SORBS2: variants seen among roughly 807,000 people sequenced by gnomAD.
SORBS2 encodes sorbin and SH3 domain-containing protein 2.
Under a neutral mutation model 97.7 loss-of-function variants are expected in SORBS2, and 46 were observed. The ratio of observed to expected loss-of-function variants is 0.47; its 90% CI spans 0.37 to 0.60. The LOEUF is 0.60. SORBS2 is among the 20% of genes least tolerant of loss of function. SORBS2 has a pLI of 0.00. For synonymous variants in SORBS2, 476 were observed against 473.4 expected (o/e 1.01, Z -0.07); for missense variants, 1,316 against 1,282.3 (o/e 1.03, Z -0.40).
At chr4:185,855,367 G>T (rs187912451) in intron 1 of SORBS2, among the ~76,000 whole-genome samples, 5 of 151,962 alleles carry the variant, frequency 3.3e-5, no homozygotes, top group Non-Finnish European at 7.4e-5. Context: ...CTATTTTGGG[G>T]CTCCACTTAA....
intron 4 of SORBS2, among the ~76,000 whole-genome samples, chr4:185,663,848 C>CTT (rs56177449): frequency 0.028 from 2,298 of 80,982 alleles, 119 homozygotes; most frequent in East Asian, 0.069. Context: ...TAGATTTATT[C>CTT]TTTTTTTTTT....
intron 1 of SORBS2, among the ~76,000 whole-genome samples, chr4:185,945,921 C>T (rs887340867): frequency 2.0e-5 from 3 of 152,122 alleles, no homozygotes; most frequent in Non-Finnish European, 2.9e-5. Context: ...TGGAAAAGAA[C>T]CATGTGTTTG....
intron 1 of SORBS2, among the ~76,000 whole-genome samples, chr4:185,877,867 C>CAAAAAAAAAAAAAAA (rs1491116547): frequency 9.9e-5 from 5 of 50,426 alleles, no homozygotes; most frequent in Admixed American, 7.4e-4. Context: ...GAGACTCTGT[C>CAAAAAAAAAAAAAAA]AAAAAACAAA....
Position 185,684,938 on chromosome 4 carries a change from A to G in SORBS2, c.-197-6116T>C, listed in dbSNP as rs1239924201. 4.4e-6 allele frequency: 4 copies of G among 910,328 alleles called. No homozygotes were observed. Among genetic ancestry groups the G allele is most frequent in the African/African-American group, 3.3e-5 (2 of 60,478 alleles). The allele number at this position is 910,328 out of a possible 1,614,324, so 56.4% of individuals were successfully genotyped here. On this transcript the variant is annotated intron_variant, in intron 2 of 20. Coordinates refer to the SORBS2 transcript ENST00000284776. The surrounding 1 kb of genome is among the most constrained non-coding windows in gnomAD (Gnocchi z 4.2). Reference sequence around the variant, plus strand: ...TTTAAGAGAAATGTGCCAGACATCCATGAGAAAGATGAACAGTTAGAATTA... The same window carrying G: ...TTTAAGAGAAATGTGCCAGACATCCGTGAGAAAGATGAACAGTTAGAATTA...
chr4:185,785,911 A>G (rs2099054306), intron 1 of SORBS2, among the ~76,000 whole-genome samples: 1 of 152,200 alleles, frequency 6.6e-6, no homozygotes, highest in Non-Finnish European at 1.5e-5. Context: ...ACCTTAAAGC[A>G]TTAAGAAGAG....
chr4:185,630,084 C>G (rs1432412053), intron 5 of SORBS2, among the ~76,000 whole-genome samples: 1 of 151,954 alleles, frequency 6.6e-6, no homozygotes, highest in East Asian at 1.9e-4. Context: ...ATAGTGTTTT[C>G]TTAGGATTGA....
chr4:185,884,067 G>A (rs1249306335), intron 1 of SORBS2, among the ~76,000 whole-genome samples: 1 of 152,136 alleles, frequency 6.6e-6, no homozygotes, highest in African/African-American at 2.4e-5. Context: ...ACCTTCCAAA[G>A]GGAACTTCAC....
At position 185,712,743 on chromosome 4, in the gene SORBS2, G is replaced by A. The variant is rs531263639; in HGVS notation, c.-197-33921C>T. On this transcript the variant is annotated intron_variant, in intron 2 of 20. Transcript: ENST00000284776. ...CCAGCGGGTTCCAGCGCTCATGCAC[G>A]CCAGCTTCCACTCTGCTTGCTGGTG... Among the ~76,000 whole-genome samples the A allele has an allele frequency of 2.6e-5, 4 of 152,324 alleles. No homozygotes were observed. In the South Asian group the frequency reaches 6.2e-4, roughly 24 times the overall value.
intron 1 of SORBS2, among the ~76,000 whole-genome samples, chr4:185,850,235 G>A (rs1227547646): frequency 3.9e-5 from 6 of 152,186 alleles, no homozygotes; most frequent in African/African-American, 1.4e-4. Context: ...CATGTGGGAT[G>A]TACAATTGGT....
intron 1 of SORBS2, among the ~76,000 whole-genome samples, chr4:185,955,613 A>G (rs1421434164): frequency 6.6e-6 from 1 of 152,216 alleles, no homozygotes; most frequent in Non-Finnish European, 1.5e-5. Flanking sequence ...AAGAGCGCCT[A>G]ACACGCTGAT....
chr4:185,653,358 C>T (rs2097344260), intron 1 of SORBS2, among the ~76,000 whole-genome samples: 1 of 152,094 alleles, frequency 6.6e-6, no homozygotes, highest in East Asian at 1.9e-4. Context: ...ATTGTAGGTT[C>T]CTTGAGAGTA....
chr4:185,940,244 C>T (rs959584002), intron 1 of SORBS2, among the ~76,000 whole-genome samples: 2 of 152,200 alleles, frequency 1.3e-5, no homozygotes, highest in Non-Finnish European at 2.9e-5. Context: ...CAATCTTTCA[C>T]TTGATCTCCA....
rs150617383 is a variant in SORBS2, at chr4:185,905,940, C to G, written c.-338+50256G>C. The stretch of plus-strand genomic sequence containing the variant: ...CTCTGGGCCCAGCAAAGAGAGGACC[C>G]TCTGCCTCCTTCTCATACTCTGTGT... On this transcript the variant is annotated intron_variant, in intron 1 of 20. Coordinates refer to the SORBS2 transcript ENST00000284776. Among the ~76,000 whole-genome samples, 281 of 152,330 alleles carry G rather than the reference C, an allele frequency of 1.8e-3. 1 individual carries two copies. The Middle Eastern group carries it at 0.02, about 11-fold the overall frequency.
intron 2 of SORBS2, among the ~76,000 whole-genome samples, chr4:185,743,147 T>C (rs1043256238): frequency 3.9e-5 from 6 of 152,194 alleles, no homozygotes; most frequent in African/African-American, 1.4e-4. Context: ...AGACACATTG[T>C]CCTTTTTAAA....
chr4:185,607,165 C>T lies in SORBS2; in HGVS notation c.2796+4615G>A, dbSNP rs2096444349. On this transcript the variant is annotated intron_variant, in intron 12 of 14. Transcript: ENST00000418609. This position sits in a 1 kb window ranked among gnomAD's most constrained non-coding sequence, Gnocchi z 5.2. Reference sequence around the variant, plus strand: ...TTGGTCAGCTGACAAGGTTAAAGCACCAAGCTTCTCCAATTCACCCAAGAA... The same window carrying T: ...TTGGTCAGCTGACAAGGTTAAAGCATCAAGCTTCTCCAATTCACCCAAGAA... 2.7e-6 allele frequency: 3 copies of T among 1,118,252 alleles called. No individual in the cohort carries two copies. The East Asian group carries it at 2.7e-4, about 100-fold the overall frequency. 69.3% of individuals were successfully genotyped at this position (1,118,252 alleles called of 1,614,324 possible).
chr4:185,660,032 C>G (rs1582064364), upstream of SORBS2, among the ~76,000 whole-genome samples: 1 of 152,174 alleles, frequency 6.6e-6, no homozygotes, highest in East Asian at 1.9e-4. Flanking sequence ...TAAAATTCAT[C>G]TAGGGCAAGG....
chr4:185,664,013 C>G (rs1322957616), intron 4 of SORBS2, among the ~76,000 whole-genome samples: 1 of 151,836 alleles, frequency 6.6e-6, no homozygotes, highest in Non-Finnish European at 1.5e-5. Flanking sequence ...CACCACCACG[C>G]CCGGCTAATT....
intron 1 of SORBS2, among the ~76,000 whole-genome samples, chr4:185,928,690 C>G (rs555449060): frequency 6.6e-6 from 1 of 152,034 alleles, no homozygotes; most frequent in East Asian, 1.9e-4. Flanking sequence ...GGACTACAGG[C>G]GCCTGCCACC....
chr4:185,670,166 C>T (rs925599668), intron 4 of SORBS2, among the ~76,000 whole-genome samples: 10 of 151,772 alleles, frequency 6.6e-5, no homozygotes, highest in Admixed American at 3.9e-4. Flanking sequence ...TTGCAGTGGG[C>T]CGAGATCACA....
Sources: allele counts gnomAD v4.1 joint callset (sites outside exome capture counted in the v4.1 genomes callset), GRCh38; gene constraint gnomAD v4.1.1; non-coding constraint Gnocchi (gnomAD v3.1); transcripts MANE v1.5; gene names NCBI Gene and HGNC (gene_info 2026-07-23, HGNC 2026-07-21).